Variants in UPF2 observed in about 807,000 individuals in gnomAD.
The protein encoded by UPF2 is regulator of nonsense transcripts 2.
In UPF2, 17 loss-of-function variants were observed where a neutral mutation model predicts 141.4. The ratio of observed to expected loss-of-function variants is 0.12; its 90% CI spans 0.08 to 0.18. The LOEUF (loss-of-function observed/expected upper bound fraction) is 0.18. UPF2 is among the 10% of genes least tolerant of loss of function. The pLI is 1.00. For synonymous variants in UPF2, 540 were observed against 498.0 expected, an observed-to-expected ratio of 1.08 and a Z score of -1.12; for missense variants, 1,152 against 1,515.9, an observed-to-expected ratio of 0.76 and a Z score of 3.99.
chr10:12,038,378 T>TCTCACA (rs1554787043), intron 1 of UPF2, among the ~76,000 whole-genome samples: 2 of 135,934 alleles, frequency 1.5e-5, no homozygotes, highest in South Asian at 5.0e-4. Context: ...AGACTCCATC[T>TCTCACA]CACACACACA....
chr10:12,013,773 T>A (rs1834171798), intron 4 of UPF2, among the ~76,000 whole-genome samples: 1 of 152,132 alleles, frequency 6.6e-6, no homozygotes, highest in Admixed American at 6.6e-5. Flanking sequence ...TAAGAAAAGT[T>A]TTTTTTAATA....
In UPF2 at chr10:11,997,692, G is replaced by T. The variant is rs1262080439; in HGVS notation, c.1824C>A (p.Leu608=). The change falls in exon 8 of 22, where the codon CTC becomes CTA. Residue 608 remains leucine, a synonymous_variant. Coordinates refer to ENST00000357604, the MANE Select transcript of UPF2 (RefSeq NM_015542.4). ...KANRKKLVRA[L]FIVPRQRLDL... The stretch of plus-strand genomic sequence containing the variant: ...CTTACCTTTGTCTAGGAACTATGAA[G>T]AGTGCCCGTACCAACTTCTTCCTGT... The T allele has an allele frequency of 6.2e-7, 1 of 1,613,662 alleles. No homozygotes were observed. The highest frequency in any genetic ancestry group is 8.5e-7 in the Non-Finnish European group (1 of 1,179,842).
In UPF2 at chr10:11,935,298, G is replaced by A. The variant is rs898899111; in HGVS notation, c.3546+1247C>T. The stretch of plus-strand genomic sequence containing the variant: ...CACCAGAATGAAAGCTCGCAAGAGA[G>A]GAAGGACTCTGGCTAACTGCCTCTA... On this transcript the variant is annotated intron_variant, in intron 19 of 21. Transcript: ENST00000357604. The surrounding 1 kb of genome is among the most constrained non-coding windows in gnomAD (Gnocchi z 4.9). 5.9e-5 allele frequency among the ~76,000 whole-genome samples: 9 copies of A among 152,178 alleles called. No homozygotes were observed. Among genetic ancestry groups the A allele is most frequent in the African/African-American group, 2.2e-4 (9 of 41,428 alleles).
Position 11,955,356 on chromosome 10 carries a change from G to A in UPF2, c.2726C>T (p.Ser909Phe), listed in dbSNP as rs1366368669. The part of the protein sequence containing the change: ...FGVNPDGSPS[S>F]LDPPEHLFRI... ...GAAAAGATGCTCAGGTGGGTCCAGG[G>A]AACTTGGAGAGCCATCAGGATTAAC... The change falls in exon 14 of 22, where the codon TCC becomes TTC. Residue 909 changes from serine (S) to phenylalanine (F), a missense_variant. Transcript: ENST00000357604. The A allele has an allele frequency of 1.2e-6, 2 of 1,614,178 alleles. No individual in the cohort carries two copies. The highest frequency in any genetic ancestry group is 1.3e-5 in the African/African-American group (1 of 75,046).
At chr10:11,927,497 A>G (rs537166961) in intron 21 of UPF2, among the ~76,000 whole-genome samples, 147 of 152,348 alleles carry the variant, frequency 9.6e-4, no homozygotes, top group Non-Finnish European at 1.5e-3. Context: ...TGTTATCAAG[A>G]ACACTGTGGC....
intron 8 of UPF2, among the ~76,000 whole-genome samples, chr10:11,987,682 A>C (rs1833715010): frequency 6.8e-6 from 1 of 148,076 alleles, no homozygotes; most frequent in South Asian, 2.2e-4. Context: ...GAATCACTTA[A>C]GCCCAGGAGA....
intron 8 of UPF2, among the ~76,000 whole-genome samples, chr10:11,994,683 C>T (rs774630038): frequency 3.9e-5 from 6 of 152,056 alleles, no homozygotes; most frequent in South Asian, 4.1e-4. Context: ...ATGAAAAGAT[C>T]GAGTCCTCTT....
chr10:11,922,355 C>T (rs1326437648), intron 21 of UPF2, among the ~76,000 whole-genome samples: 2 of 152,118 alleles, frequency 1.3e-5, no homozygotes, highest in Non-Finnish European at 2.9e-5. Flanking sequence ...ACTTTCAAAG[C>T]GTTAAGATGC....
Position 11,931,255 on chromosome 10 carries a change from T to C in UPF2, c.3688+386A>G, listed in dbSNP as rs1832778859. 6.6e-6 allele frequency among the ~76,000 whole-genome samples: 1 copy of C among 152,194 alleles called. No individual in the cohort carries two copies. The highest frequency in any genetic ancestry group is 2.4e-5 in the African/African-American group (1 of 41,442). On this transcript the variant is annotated intron_variant, in intron 20 of 21. Coordinates refer to ENST00000357604, the MANE Select transcript of UPF2 (RefSeq NM_015542.4). The surrounding 1 kb of genome is among the most constrained non-coding windows in gnomAD (Gnocchi z 5.9). ...TAGTAGGCTACACCATCTAGGTTTG[T>C]CAAGTACACTCTATGATGTTTGCAC...
chr10:11,988,542 C>T (rs1648950184), intron 8 of UPF2, among the ~76,000 whole-genome samples: 1 of 152,174 alleles, frequency 6.6e-6, no homozygotes, highest in Non-Finnish European at 1.5e-5. Flanking sequence ...TGGCTTTAGG[C>T]CATCCTCCTG....
intron 2 of UPF2, among the ~76,000 whole-genome samples, chr10:12,033,761 C>A (rs1588581595): frequency 1.3e-5 from 2 of 152,234 alleles, no homozygotes; most frequent in Middle Eastern, 6.8e-3. Flanking sequence ...ATTGACCAGG[C>A]TGGTCTTGAA....
Position 11,967,369 on chromosome 10 carries a change from G to A in UPF2, c.2039C>T (p.Thr680Ile). 6.3e-7 allele frequency: 1 copy of A among 1,581,314 alleles called. No homozygotes were observed. The highest frequency in any genetic ancestry group is 8.6e-7 in the Non-Finnish European group (1 of 1,168,304). Reference protein sequence around the residue: ...IGELTKFKMFTKNDTLHCLKM... With the variant: ...IGELTKFKMFIKNDTLHCLKM... ...TAAACAATGCAGTGTGTCATTTTTG[G>A]TGAACATCTTAAACTTAGTTAGTTC... Residue 680 changes from threonine to isoleucine, a missense_variant, in exon 10 of 22, where the codon ACC becomes ATC. Physicochemically the swap from Thr to Ile is moderately conservative, Grantham distance 89 (BLOSUM62 -1). Transcript: ENST00000357604.
chr10:11,934,829 C>T (rs1036005774), intron 19 of UPF2, among the ~76,000 whole-genome samples: 5 of 152,128 alleles, frequency 3.3e-5, no homozygotes, highest in African/African-American at 4.8e-5. Context: ...ACCTTGTGAT[C>T]CGCCCGCCTT....
chr10:12,002,219 C>T (rs1029391099), intron 5 of UPF2, among the ~76,000 whole-genome samples: 4 of 151,966 alleles, frequency 2.6e-5, no homozygotes, highest in Non-Finnish European at 5.9e-5. Flanking sequence ...TGCAGTGAGC[C>T]GAGAGAGCAC....
intron 8 of UPF2, among the ~76,000 whole-genome samples, chr10:11,993,566 TA>T (rs1188665359): frequency 1.3e-5 from 2 of 150,022 alleles, no homozygotes; most frequent in Non-Finnish European, 3.0e-5. Context: ...CAAAATGCAA[TA>T]AAAATATAAA....
At chr10:11,981,169 A>T (rs960411798) in intron 8 of UPF2, among the ~76,000 whole-genome samples, 8 of 152,158 alleles carry the variant, frequency 5.3e-5, no homozygotes, top group African/African-American at 1.9e-4. Context: ...TCTCAAAAAG[A>T]TTTAAAAAAA....
At chr10:11,982,856 G>C (rs929619659) in intron 8 of UPF2, among the ~76,000 whole-genome samples, 2 of 152,002 alleles carry the variant, frequency 1.3e-5, no homozygotes, top group Non-Finnish European at 2.9e-5. Flanking sequence ...CCGACCTTAG[G>C]CGATCCACCC....
chr10:11,921,160 A>C lies in UPF2; in HGVS notation c.*138T>G. 1 of 1,214,254 alleles carries C rather than the reference A, an allele frequency of 8.2e-7. No individual in the cohort carries two copies. Among genetic ancestry groups the C allele is most frequent in the Non-Finnish European group, 1.2e-6 (1 of 815,766 alleles). 75.2% of individuals were successfully genotyped at this position (1,214,254 alleles called of 1,614,324 possible). ...GCTGGTGTTTCTGCCTCCTGGCCCC[A>C]GCCTGTCCCAGGTTTAGATTCGCAA... On this transcript the variant is annotated 3_prime_UTR_variant, in exon 22 of 22. Coordinates refer to ENST00000357604, the MANE Select transcript of UPF2 (RefSeq NM_015542.4). The surrounding 1 kb of genome is among the most constrained non-coding windows in gnomAD (Gnocchi z 5.9).
At chr10:11,954,633 C>CAAAAA (rs199644138) in intron 14 of UPF2, among the ~76,000 whole-genome samples, 2 of 128,014 alleles carry the variant, frequency 1.6e-5, no homozygotes, top group Admixed American at 8.3e-5. Context: ...GACTTACTCT[C>CAAAAA]AAAAAAAAAA....
Sources: gnomAD v4.1 joint callset for allele counts (sites outside exome capture counted in the v4.1 genomes callset) on GRCh38, gnomAD v4.1.1 for gene constraint, Gnocchi (gnomAD v3.1) non-coding constraint, MANE v1.5 for transcripts, NCBI Gene and HGNC (gene_info 2026-07-23, HGNC 2026-07-21) for gene names.